RFC1: variants seen among roughly 807,000 people sequenced by gnomAD.
RFC1 encodes the protein A1 140 kDa subunit.
In RFC1, 37 loss-of-function variants were observed where a neutral mutation model predicts 137.4. That is an observed-to-expected ratio of 0.27 (90% confidence interval 0.21 to 0.35). RFC1 has a LOEUF of 0.35. RFC1 is among the 10% of genes least tolerant of loss of function. The probability of loss-of-function intolerance (pLI) is 1.00; values close to 1 mark genes in which losing one functional copy is unlikely to be tolerated. For missense variants in RFC1, 1,205 were observed against 1,358.5 expected, an observed-to-expected ratio of 0.89 and a Z score of 1.78; for synonymous variants, 429 against 455.7, an observed-to-expected ratio of 0.94 and a Z score of 0.75.
Position 39,306,707 on chromosome 4 carries a change from A to T in RFC1, c.1886-6T>A, listed in dbSNP as rs1560596086. 6.3e-7 allele frequency: 1 copy of T among 1,583,900 alleles called. No individual in the cohort carries two copies. The highest frequency in any genetic ancestry group is 2.2e-5 in the East Asian group (1 of 44,736). ...GGAAAATTTACCAAACTTTGCTGCT[A>T]GGAAAAAAGAAGTTCCAGAGTGTCA... On this transcript the variant is annotated splice_region_variant and splice_polypyrimidine_tract_variant and intron_variant, in intron 13 of 24. Coordinates refer to ENST00000349703, the MANE Select transcript of RFC1 (RefSeq NM_002913.5).
chr4:39,362,234 C>G (rs1239216946), intron 1 of RFC1, among the ~76,000 whole-genome samples: 1 of 152,116 alleles, frequency 6.6e-6, no homozygotes, highest in Non-Finnish European at 1.5e-5. Context: ...TGGCAATATT[C>G]CCTAAATTGA....
chr4:39,300,280 G>A lies in RFC1; in HGVS notation c.2670C>T (p.His890=), dbSNP rs142870671. 336 of 1,614,116 alleles carry A rather than the reference G, an allele frequency of 2.1e-4. No individual in the cohort carries two copies. The highest frequency in any genetic ancestry group is 9.9e-4 in the Middle Eastern group (6 of 6,062). Residue 890 remains histidine (H), a synonymous_variant, in exon 20 of 25, where the codon CAC becomes CAT. Coordinates refer to ENST00000349703, the MANE Select transcript of RFC1 (RefSeq NM_002913.5). ...CTCACCCTGCTGCTACAGGCTTCAC[G>A]TGTATGTAATTTTCCTGGACGAAGA... is the stretch of plus-strand genomic sequence containing the variant. ...APLFVQENYI[H]VKPVAAGGDM...
chr4:39,290,889 C>A (rs1448388015), intron 23 of RFC1, among the ~76,000 whole-genome samples: 1 of 151,794 alleles, frequency 6.6e-6, no homozygotes, highest in African/African-American at 2.4e-5. Flanking sequence ...CACTAGATAC[C>A]TTTTCCATAA....
chr4:39,295,673 G>A lies in RFC1; in HGVS notation c.2895C>T (p.His965=). The stretch of plus-strand genomic sequence containing the variant: ...TACGATCATGTTTGCCTGTAGACGA[G>A]TGCTTCCCCAGCCAGCTTGGGAAGG... ...FPTFPSWLGK[H]SSTGKHDRIV... Residue 965 remains histidine (H), a synonymous_variant, in exon 22 of 25, where the codon CAC becomes CAT. Transcript: ENST00000349703. The A allele has an allele frequency of 6.2e-7, 1 of 1,613,744 alleles. No homozygotes were observed. Among genetic ancestry groups the A allele is most frequent in the Non-Finnish European group, 8.5e-7 (1 of 1,179,798 alleles).
At chr4:39,310,172 C>T (rs17288370) in intron 12 of RFC1, among the ~76,000 whole-genome samples, 3 of 152,008 alleles carry the variant, frequency 2.0e-5, no homozygotes, top group African/African-American at 7.3e-5. Context: ...CATCACAGAT[C>T]CAAACTGAGA....
At chr4:39,338,977 C>A (rs548805974) in intron 4 of RFC1, among the ~76,000 whole-genome samples, 3 of 152,196 alleles carry the variant, frequency 2.0e-5, no homozygotes, top group Admixed American at 6.5e-5. Flanking sequence ...TTTAAGAGTC[C>A]GCATTATAAG....
chr4:39,351,347 C>T lies in RFC1; in HGVS notation c.132+1G>A. 1 of 1,498,502 alleles carries T rather than the reference C, an allele frequency of 6.7e-7. No homozygotes were observed. Among genetic ancestry groups the T allele is most frequent in the Non-Finnish European group, 8.9e-7 (1 of 1,128,166 alleles). 92.8% of individuals were successfully genotyped at this position (1,498,502 alleles called of 1,614,324 possible). On this transcript the variant is annotated splice_donor_variant, in intron 2 of 24. Coordinates refer to ENST00000349703, the MANE Select transcript of RFC1 (RefSeq NM_002913.5). LOFTEE classifies it high-confidence loss of function. ...TGCAAAATTATACCCAGAAAACTAA[C>T]CTTGATTTCCTTTATTCCTTTCTTT...
chr4:39,361,381 C>T (rs546084486), intron 1 of RFC1, among the ~76,000 whole-genome samples: 2 of 152,170 alleles, frequency 1.3e-5, no homozygotes, highest in Admixed American at 6.5e-5. Context: ...AGCGCGACTG[C>T]GTTTCAATCA....
rs372293496 is a variant in RFC1 at position 39,323,293 on chromosome 4, G to C, written c.720+47C>G. On this transcript the variant is annotated intron_variant, in intron 7 of 24. Transcript: ENST00000349703. ...CCTAGAACACGCAAGTATGAACACT[G>C]ATCTGTACTGTATATTCAGAACGCA... 14 of 1,488,334 alleles carry C rather than the reference G, an allele frequency of 9.4e-6. No homozygotes were observed. In the African/African-American group the frequency reaches 1.7e-4, roughly 18 times the overall value. 92.2% of individuals were successfully genotyped at this position (1,488,334 alleles called of 1,614,324 possible).
intron 24 of RFC1, 173 bp downstream of exon 24, chr4:39,289,675 G>A (rs1198778980): frequency 1.1e-5 from 6 of 562,784 alleles, no homozygotes; most frequent in Non-Finnish European, 1.9e-5. Flanking sequence ...ACTACCATAA[G>A]AAACTTTATA....
At chr4:39,337,602 A>T (rs1740423464) in intron 4 of RFC1, among the ~76,000 whole-genome samples, 1 of 152,190 alleles carries the variant, frequency 6.6e-6, no homozygotes, top group Non-Finnish European at 1.5e-5. Context: ...AATCAAAAAA[A>T]TACAATACTC....
chr4:39,351,284 AACTT>A, intron 2 of RFC1, 60 bp downstream of exon 2: 5 of 470,780 alleles, frequency 1.1e-5, no homozygotes, highest in Non-Finnish European at 1.6e-5. Flanking sequence ...AAAAAAAAAA[AACTT>A]ATAAGAACTG....
chr4:39,351,537 A>G (rs1453966106), intron 1 of RFC1, 61 bp from the exon 2 acceptor site: 8 of 1,407,782 alleles, frequency 5.7e-6, no homozygotes, highest in Admixed American at 3.1e-5. Context: ...TATAACTTCA[A>G]TTGTAAGATG....
intron 1 of RFC1, among the ~76,000 whole-genome samples, chr4:39,361,983 G>C (rs536089115): frequency 6.6e-6 from 1 of 152,144 alleles, no homozygotes; most frequent in African/African-American, 2.4e-5. Flanking sequence ...AGCTTGCAGT[G>C]AGCCAAGATG....
intron 4 of RFC1, among the ~76,000 whole-genome samples, chr4:39,331,808 T>C (rs1279278790): frequency 6.6e-6 from 1 of 152,168 alleles, no homozygotes; most frequent in Non-Finnish European, 1.5e-5. Context: ...AATAAAACAT[T>C]AACAATTTTT....
intron 10 of RFC1, among the ~76,000 whole-genome samples, chr4:39,313,837 A>T (rs1739097182): frequency 6.6e-6 from 1 of 152,176 alleles, no homozygotes; most frequent in Non-Finnish European, 1.5e-5. Flanking sequence ...TAAAGGCAAG[A>T]TCGTATTATC....
chr4:39,322,745 A>C (rs1443839909), intron 7 of RFC1, among the ~76,000 whole-genome samples: 1 of 151,224 alleles, frequency 6.6e-6, no homozygotes, highest in African/African-American at 2.4e-5. Context: ...TGCCAGTGTA[A>C]TCCAGCCTGG....
At chr4:39,302,083 T>C (rs1172547810) in intron 19 of RFC1, among the ~76,000 whole-genome samples, 195 bp downstream of exon 19, 1 of 152,254 alleles carries the variant, frequency 6.6e-6, no homozygotes, top group East Asian at 1.9e-4. Flanking sequence ...AAATTTATAA[T>C]TGACATTGAC....
Position 39,366,327 on chromosome 4 carries a change from A to C in RFC1, c.-86T>G, listed in dbSNP as rs543151355. 1 of 1,382,946 alleles carries C rather than the reference A, an allele frequency of 7.2e-7. No individual in the cohort carries two copies. Among genetic ancestry groups the C allele is most frequent in the Non-Finnish European group, 9.5e-7 (1 of 1,053,460 alleles). The allele number at this position is 1,382,946 out of a possible 1,614,324, so 85.7% of individuals were successfully genotyped here. A position where few individuals can be genotyped will look rare whatever the true frequency, so the allele number is the denominator to read the frequency against. ...TCGAGGCTCAGGATCCATTCGCGCC[A>C]ACAACTTCTCCCGCGAAGTGCAAGA... On this transcript the variant is annotated 5_prime_UTR_variant, in exon 1 of 25. Transcript: ENST00000349703.
Sources: allele counts gnomAD v4.1 joint callset (sites outside exome capture counted in the v4.1 genomes callset), GRCh38; gene constraint gnomAD v4.1.1; transcripts MANE v1.5; gene names NCBI Gene and HGNC (gene_info 2026-07-23, HGNC 2026-07-21).